The following RYR3 variants were observed in gnomAD, a reference collection of about 807,000 sequenced individuals.
The protein encoded by RYR3 is ryanodine receptor 3.
In RYR3, 207 loss-of-function variants were observed where a neutral mutation model predicts 584.3. That is an observed-to-expected ratio of 0.35 (90% CI 0.32 to 0.40). The LOEUF is 0.40. Among genes scored for constraint, RYR3 ranks in the 10% least tolerant of loss-of-function variants. The pLI, the probability that RYR3 is intolerant of heterozygous loss-of-function variation, is 1.00. For synonymous variants in RYR3, 2,416 were observed against 2,248.5 expected (o/e 1.07, Z -2.11); for missense variants, 5,616 against 6,089.2 (o/e 0.92, Z 2.59).
intron 66 of RYR3, among the ~76,000 whole-genome samples, chr15:33,787,665 C>T (rs1245203742): frequency 6.6e-6 from 1 of 152,184 alleles, no homozygotes; most frequent in Non-Finnish European, 1.5e-5. Flanking sequence ...TATATCCCTC[C>T]CTCAGAGCCC....
chr15:33,694,784 T>C (rs1428850671), intron 38 of RYR3, among the ~76,000 whole-genome samples: 15 of 152,222 alleles, frequency 9.9e-5, no homozygotes, highest in Admixed American at 9.8e-4. Context: ...GAACATCCTT[T>C]AACTGTGCTT....
chr15:33,860,546 C>A, intron 100 of RYR3, 49 bp from the exon 101 acceptor site: 4 of 1,148,324 alleles, frequency 3.5e-6, no homozygotes, highest in Admixed American at 2.4e-5. Flanking sequence ...CATTCCTCTA[C>A]CCCTGAACCA....
At chr15:33,659,637 G>A in intron 32 of RYR3, 83 bp from the exon 33 acceptor site, 1 of 859,324 alleles carries the variant, frequency 1.2e-6, no homozygotes, top group South Asian at 1.4e-5. Context: ...GAATGAGATT[G>A]TTGACCAAAA....
chr15:33,539,461 T>C lies in RYR3; in HGVS notation c.545T>C (p.Leu182Pro). 6.4e-7 allele frequency: 1 copy of C among 1,563,122 alleles called. No homozygotes were observed. The highest frequency in any genetic ancestry group is 8.7e-7 in the Non-Finnish European group (1 of 1,143,506). ...GTCAGCGTGTCCTCTGAAAGATACCTTGTAAGTACCTCATAATATAAGAGT... is the reference window on the plus strand; with the variant it reads ...GTCAGCGTGTCCTCTGAAAGATACCCTGTAAGTACCTCATAATATAAGAGT... ...ILVSVSSERY[L>P]HLSVSNGNIQ... is the part of the protein sequence containing the mutation. The change falls in exon 6 of 104, where the codon CTT becomes CCT. Residue 182 changes from leucine to proline, a missense_variant and splice_region_variant. By Grantham distance (98) the Leu-to-Pro change is moderately conservative. This residue lies in a region of RYR3 where 1,284 missense variants were observed against 1,344.6 expected (regional missense o/e 0.95). Coordinates refer to ENST00000634891, the MANE Select transcript of RYR3 (RefSeq NM_001036.6).
chr15:33,769,447 C>G (rs1233010408), intron 62 of RYR3, among the ~76,000 whole-genome samples: 2 of 152,178 alleles, frequency 1.3e-5, no homozygotes, highest in Non-Finnish European at 2.9e-5. Flanking sequence ...TATAATGTGG[C>G]AAACCCCACT....
chr15:33,768,030 C>T (rs1355295625), intron 60 of RYR3, among the ~76,000 whole-genome samples: 1 of 152,188 alleles, frequency 6.6e-6, no homozygotes, highest in South Asian at 2.1e-4. Flanking sequence ...AGTCAAAAAA[C>T]ACAAAAATAT....
intron 64 of RYR3, among the ~76,000 whole-genome samples, chr15:33,775,310 G>A (rs997038097): frequency 4.6e-5 from 6 of 131,392 alleles, no homozygotes; most frequent in African/African-American, 1.8e-4. Flanking sequence ...TTGGTTATTA[G>A]GTACATTGCT....
chr15:33,613,169 T>G lies in RYR3; in HGVS notation c.2165-14T>G. The G allele has an allele frequency of 6.2e-7, 1 of 1,610,132 alleles. No individual in the cohort carries two copies. The highest frequency in any genetic ancestry group is 1.1e-5 in the South Asian group (1 of 90,512). ...CAGAGTTCCACAGCCTTCTTCCTGTTCTTTCCTCACCAGGCCGGATACCCA... is the reference window on the plus strand; with the variant it reads ...CAGAGTTCCACAGCCTTCTTCCTGTGCTTTCCTCACCAGGCCGGATACCCA... On this transcript the variant is annotated splice_polypyrimidine_tract_variant and intron_variant, in intron 18 of 103. Coordinates refer to ENST00000634891, the MANE Select transcript of RYR3 (RefSeq NM_001036.6).
intron 43 of RYR3, among the ~76,000 whole-genome samples, chr15:33,716,527 A>G (rs2067504893): frequency 6.6e-6 from 1 of 152,200 alleles, no homozygotes; most frequent in Non-Finnish European, 1.5e-5. Flanking sequence ...AACAGCATCA[A>G]AGTCCAGAAA....
chr15:33,403,031 G>T (rs1166645701), intron 1 of RYR3, among the ~76,000 whole-genome samples: 3 of 152,116 alleles, frequency 2.0e-5, no homozygotes, highest in African/African-American at 7.2e-5. Flanking sequence ...AGCATTTAAT[G>T]GACTTTACTT....
intron 1 of RYR3, among the ~76,000 whole-genome samples, chr15:33,315,304 G>T (rs558600141): frequency 6.6e-6 from 1 of 152,140 alleles, no homozygotes; most frequent in African/African-American, 2.4e-5. Context: ...TTCTCTCTGC[G>T]GCAGGGCCCA....
At chr15:33,859,518 C>G (rs1020833628) in intron 99 of RYR3, 57 bp from the exon 100 acceptor site, 13 of 1,591,132 alleles carry the variant, frequency 8.2e-6, no homozygotes, top group Non-Finnish European at 2.6e-6. Context: ...ATCTGAGCAT[C>G]TTGCTAAAAA....
chr15:33,736,277 C>T lies in RYR3; in HGVS notation c.7467C>T (p.Leu2489=), dbSNP rs756348758. The change falls in exon 49 of 104, where the codon CTC becomes CTT. Residue 2489 remains leucine, a synonymous_variant. Coordinates refer to ENST00000634891, the MANE Select transcript of RYR3 (RefSeq NM_001036.6). ...PSMLQQLLRR[L]VFDVPQLNEY... ...TGTTACAGCAACTCCTGCGACGCCT[C>T]GTTTTTGATGTGCCGCAACTCAATG... 3.0e-5 allele frequency: 49 copies of T among 1,613,266 alleles called. No homozygotes were observed. Among genetic ancestry groups the T allele is most frequent in the Admixed American group, 1.0e-4 (6 of 59,968 alleles).
At chr15:33,478,036 T>C (rs938397204) in intron 2 of RYR3, among the ~76,000 whole-genome samples, 1 of 151,990 alleles carries the variant, frequency 6.6e-6, no homozygotes, top group Non-Finnish European at 1.5e-5. Flanking sequence ...CACTAGGAAT[T>C]TAATACTTTC....
At chr15:33,751,425 T>A (rs1317897735) in intron 57 of RYR3, among the ~76,000 whole-genome samples, 1 of 152,232 alleles carries the variant, frequency 6.6e-6, no homozygotes, top group East Asian at 1.9e-4. Context: ...ATGATCGCCA[T>A]TCTAACTGGC....
chr15:33,750,289 A>G lies in RYR3; in HGVS notation c.8399+3A>G, dbSNP rs1422697015. The G allele has an allele frequency of 6.2e-7, 1 of 1,610,402 alleles. No individual in the cohort carries two copies. The highest frequency in any genetic ancestry group is 1.3e-5 in the African/African-American group (1 of 75,026). ...GTGAATGGCATCATAGTTTCCAGGT[A>G]AGTCACCTTCCATGTGATGCTAGTG... is the stretch of plus-strand genomic sequence containing the variant. On this transcript the variant is annotated splice_donor_region_variant and intron_variant, in intron 57 of 103. Transcript: ENST00000634891.
intron 65 of RYR3, among the ~76,000 whole-genome samples, chr15:33,784,562 C>T (rs1235801941): frequency 6.6e-6 from 1 of 152,176 alleles, no homozygotes. Context: ...CACATTTTTC[C>T]TGTGGCTTCC....
At chr15:33,464,130 A>G (rs1567294455) in intron 1 of RYR3, among the ~76,000 whole-genome samples, 2 of 152,104 alleles carry the variant, frequency 1.3e-5, no homozygotes, top group African/African-American at 4.8e-5. Flanking sequence ...GAGAGAGATT[A>G]GAAATAAACC....
At position 33,483,874 on chromosome 15, in the gene RYR3, G is replaced by A. The variant is rs969831536; in HGVS notation, c.171+10336G>A. On this transcript the variant is annotated intron_variant, in intron 2 of 103. Transcript: ENST00000634891. ...TACTCAGGTCTCTTACTTCCTAGAA[G>A]CCTTTTTCTTGACATCTATTCCCCA... Among the ~76,000 whole-genome samples, 19 of 152,212 alleles carry A rather than the reference G, an allele frequency of 1.2e-4. No homozygotes were observed. In the East Asian group the frequency reaches 1.4e-3, roughly 11 times the overall value.
Sources: allele counts gnomAD v4.1 joint callset (sites outside exome capture counted in the v4.1 genomes callset), GRCh38; gene constraint gnomAD v4.1.1; regional missense constraint gnomAD v4.1.1; transcripts MANE v1.5; gene names NCBI Gene and HGNC (gene_info 2026-07-23, HGNC 2026-07-21).